UHRF2: variants seen among roughly 807,000 people sequenced by gnomAD.
UHRF2 encodes the protein ubiquitin like with PHD and ring finger domains 2.
In UHRF2, 23 loss-of-function variants were observed where a neutral mutation model predicts 96.8. The ratio of observed to expected loss-of-function variants is 0.24; its 90% CI spans 0.17 to 0.34. The LOEUF is 0.34. Ranked by LOEUF, UHRF2 falls within the 10% of genes least tolerant of loss-of-function variation. UHRF2 has a pLI of 1.00. For missense variants in UHRF2, 685 were observed against 981.5 expected, an observed-to-expected ratio of 0.70 and a Z score of 4.04; for synonymous variants, 385 against 332.6, an observed-to-expected ratio of 1.16 and a Z score of -1.72.
intron 3 of UHRF2, among the ~76,000 whole-genome samples, chr9:6,453,820 G>T (rs542207942): frequency 6.8e-4 from 103 of 152,184 alleles, no homozygotes; most frequent in Non-Finnish European, 1.1e-3. Flanking sequence ...CAGGAGAATC[G>T]CTTGGACCCA....
At chr9:6,495,739 A>G (rs1824926500) in intron 10 of UHRF2, 1 of 152,096 alleles carries the variant, frequency 6.6e-6, no homozygotes, top group Admixed American at 6.6e-5. Context: ...GACTCTTTTC[A>G]TATACTTGAA....
chr9:6,484,433 C>G (rs370120836), intron 8 of UHRF2, among the ~76,000 whole-genome samples: 2 of 130,818 alleles, frequency 1.5e-5, no homozygotes, highest in South Asian at 2.9e-4. Context: ...TCCCTCCTGT[C>G]TCTTCCCTCC....
chr9:6,454,432 T>A (rs1822062609), intron 3 of UHRF2, among the ~76,000 whole-genome samples: 1 of 152,156 alleles, frequency 6.6e-6, no homozygotes. Context: ...TGTGTCGATT[T>A]CTTCATGGAC....
In UHRF2 at chr9:6,477,633, C is replaced by T. The variant is rs17856811; in HGVS notation, c.985C>T (p.Pro329Ser). The stretch of plus-strand genomic sequence containing the variant: ...TTTGTTCTTAATAGGGCGAAATGAC[C>T]CTGAATGTGACCTGTGTGGTGGAGA... ...ADGKFLRRND[P>S]ECDLCGGDPE... Residue 329 changes from proline (P) to serine (S), a missense_variant, in exon 6 of 16, where the codon CCT becomes TCT. By Grantham distance (74) the Pro-to-Ser change is moderately conservative. Around this residue, in one of 6 missense-constraint regions of UHRF2, gnomAD observed 391 missense variants for 437.0 expected, o/e 0.89. Transcript: ENST00000276893. The T allele has an allele frequency of 4.4e-6, 7 of 1,608,818 alleles. No individual in the cohort carries two copies. Among genetic ancestry groups the T allele is most frequent in the Non-Finnish European group, 8.5e-7 (1 of 1,177,422 alleles).
At chr9:6,448,991 A>T (rs10124572) in intron 3 of UHRF2, among the ~76,000 whole-genome samples, 32,576 of 152,034 alleles carry the variant, frequency 0.21, 3,934 homozygotes, top group African/African-American at 0.31. Context: ...TGCTTTAACC[A>T]TCATCAACTC....
intron 3 of UHRF2, among the ~76,000 whole-genome samples, chr9:6,458,520 T>G (rs1188193177): frequency 6.6e-6 from 1 of 152,114 alleles, no homozygotes; most frequent in Non-Finnish European, 1.5e-5. Flanking sequence ...TCTTAGTTAT[T>G]TCTTGTCTTC....
intron 2 of UHRF2, among the ~76,000 whole-genome samples, chr9:6,424,228 G>T (rs931305767): frequency 6.6e-6 from 1 of 152,174 alleles, no homozygotes; most frequent in African/African-American, 2.4e-5. Flanking sequence ...CACTAAAGTG[G>T]CTATCTTCAA....
intron 3 of UHRF2, among the ~76,000 whole-genome samples, chr9:6,456,970 A>G (rs1276820734): frequency 6.6e-6 from 1 of 152,194 alleles, no homozygotes; most frequent in Non-Finnish European, 1.5e-5. Flanking sequence ...CTTTTTGCTT[A>G]GGATAGTCTT....
chr9:6,455,576 G>A (rs1207129708), intron 3 of UHRF2, among the ~76,000 whole-genome samples: 1 of 152,074 alleles, frequency 6.6e-6, no homozygotes, highest in Non-Finnish European at 1.5e-5. Flanking sequence ...CTTTGCTATT[G>A]TGAATAGTGC....
At chr9:6,415,685 C>A (rs1819557912) in intron 1 of UHRF2, 1 of 152,122 alleles carries the variant, frequency 6.6e-6, no homozygotes, top group Non-Finnish European at 1.5e-5. Context: ...GTGGTACCCG[C>A]CCCCCATACT....
chr9:6,487,193 T>TTA (rs1824349769), intron 9 of UHRF2, among the ~76,000 whole-genome samples: 1 of 130,616 alleles, frequency 7.7e-6, no homozygotes, highest in African/African-American at 3.0e-5. Context: ...TTTTTTTTTT[T>TTA]TTTTTTTTTT....
Position 6,500,560 on chromosome 9 carries a change from C to G in UHRF2, c.2014C>G (p.Pro672Ala), listed in dbSNP as rs1271800248. The G allele has an allele frequency of 2.5e-6, 4 of 1,610,576 alleles. No homozygotes were observed. Among genetic ancestry groups the G allele is most frequent in the South Asian group, 1.1e-5 (1 of 90,474 alleles). ...TKRPISDDDC[P>A]SASKVYKASD... ...TTTTAAAATAAATCTAGATGACTGT[C>G]CAAGTGCCTCCAAAGTGTACAAAGC... The change falls in exon 14 of 16, where the codon CCA becomes GCA. Residue 672 changes from proline to alanine, a missense_variant. By Grantham distance (27) the Pro-to-Ala change is conservative (BLOSUM62 -1). Transcript: ENST00000276893.
chr9:6,472,421 A>G (rs1025555563), intron 4 of UHRF2, among the ~76,000 whole-genome samples: 1 of 152,250 alleles, frequency 6.6e-6, no homozygotes, highest in Non-Finnish European at 1.5e-5. Context: ...CAAGTAAAGG[A>G]GAGCCAAGGA....
At chr9:6,477,906 A>G in intron 6 of UHRF2, 98 bp downstream of exon 6, 1 of 1,097,100 alleles carries the variant, frequency 9.1e-7, no homozygotes, top group Non-Finnish European at 1.3e-6. Context: ...TACATAATAT[A>G]AAAGTGCTTA....
At chr9:6,502,320 A>G (rs1816337067) in intron 14 of UHRF2, among the ~76,000 whole-genome samples, 1 of 152,166 alleles carries the variant, frequency 6.6e-6, no homozygotes, top group Admixed American at 6.5e-5. Context: ...CTGGGCCTTT[A>G]CATACATACT....
intron 11 of UHRF2, among the ~76,000 whole-genome samples, chr9:6,497,726 T>A (rs1238103730): frequency 1.3e-5 from 2 of 152,192 alleles, no homozygotes; most frequent in Non-Finnish European, 2.9e-5. Context: ...TAGATTTTCA[T>A]TCTTTGTTTA....
At chr9:6,440,700 C>A (rs1247879699) in intron 3 of UHRF2, among the ~76,000 whole-genome samples, 1 of 152,172 alleles carries the variant, frequency 6.6e-6, no homozygotes, top group Non-Finnish European at 1.5e-5. Flanking sequence ...CTGCGAAAAT[C>A]TTTATCCTGC....
chr9:6,479,688 C>G (rs1823808216), intron 6 of UHRF2, among the ~76,000 whole-genome samples: 2 of 152,172 alleles, frequency 1.3e-5, no homozygotes, highest in Admixed American at 6.5e-5. Flanking sequence ...TTGATTTCCA[C>G]AAACTCCCTA....
In UHRF2 at chr9:6,499,665, T is replaced by C. The variant is rs183951955; in HGVS notation, c.1909-170T>C. On this transcript the variant is annotated intron_variant, in intron 12 of 15. Transcript: ENST00000276893. ...ACATAAATTGGGATTTTAATAGTTG[T>C]CTGTGCTTTGAATTCTTTTCCTTTA... The C allele has an allele frequency of 5.7e-4, 254 of 446,934 alleles. 3 individuals carry two copies. The highest frequency in any genetic ancestry group is 5.5e-3 in the Middle Eastern group (9 of 1,638). The allele number at this position is 446,934 out of a possible 1,614,324, so 27.7% of individuals were successfully genotyped here.
Sources: allele counts gnomAD v4.1 joint callset (sites outside exome capture counted in the v4.1 genomes callset), GRCh38; gene constraint gnomAD v4.1.1; regional missense constraint gnomAD v4.1.1; transcripts MANE v1.5; gene names NCBI Gene and HGNC (gene_info 2026-07-23, HGNC 2026-07-21).